Variants in DACT2 observed in about 807,000 individuals in gnomAD.
The protein encoded by DACT2 is dapper homolog 2.
DACT2 carries 20 observed loss-of-function variants against 22.2 expected under a neutral mutation model. That is an observed-to-expected ratio of 0.90 (90% CI 0.63 to 1.31). The LOEUF is 1.31. Ranked by LOEUF, DACT2 falls within the 50% of genes most tolerant of loss-of-function variation. The pLI is 0.00. For missense variants in DACT2, 1,048 were observed against 1,061.4 expected (o/e 0.99, Z 0.18); for synonymous variants, 463 against 479.8 (o/e 0.96, Z 0.46).
chr6:168,309,401 C>T (rs1024896968), intron 3 of DACT2, among the ~76,000 whole-genome samples: 1 of 57,250 alleles, frequency 1.7e-5, no homozygotes, highest in African/African-American at 7.0e-5. Context: ...CATCTAGACA[C>T]CGCACAGGGC....
intron 1 of DACT2, 74 bp from the exon 2 acceptor site, chr6:168,311,358 A>G (rs991617801): frequency 2.8e-6 from 4 of 1,433,456 alleles, no homozygotes; most frequent in Non-Finnish European, 3.7e-6. Flanking sequence ...AGGGGTGAAA[A>G]CATGCATTGT....
At chr6:168,306,641 G>A (rs1390853290), downstream of DACT2, among the ~76,000 whole-genome samples, 3 of 150,830 alleles carry the variant, frequency 2.0e-5, no homozygotes, top group East Asian at 2.0e-4. Context: ...TAGCAGAGAC[G>A]GGGTTTCACC....
intron 3 of DACT2, among the ~76,000 whole-genome samples, chr6:168,296,406 A>G (rs1265608678): frequency 6.6e-6 from 1 of 151,150 alleles, no homozygotes; most frequent in African/African-American, 2.4e-5. Flanking sequence ...ATGGTCATGG[A>G]GGACAGGCAC....
At chr6:168,293,671 C>A in exon 6 of DACT2, 1 of 568,252 alleles carries the variant, frequency 1.8e-6, no homozygotes, top group South Asian at 2.1e-5. Flanking sequence ...GTCCATTACT[C>A]CCTCACTTCA....
chr6:168,316,287 C>T (rs1303162183), intron 1 of DACT2, among the ~76,000 whole-genome samples: 1 of 151,520 alleles, frequency 6.6e-6, no homozygotes, highest in Non-Finnish European at 1.5e-5. Flanking sequence ...ACGTCTGTGG[C>T]TGTCGTGTGC....
chr6:168,307,619 C>G lies in DACT2; in HGVS notation c.2138G>C (p.Cys713Ser), dbSNP rs150741979. The G allele has an allele frequency of 3.2e-6, 5 of 1,548,194 alleles. No individual in the cohort carries two copies. Among genetic ancestry groups the G allele is most frequent in the Admixed American group, 2.0e-5 (1 of 50,790 alleles). Residue 713 changes from cysteine (C) to serine (S), a missense_variant, in exon 4 of 4, where the codon TGT (cysteine) becomes TCT (serine). Physicochemically the swap from Cys to Ser is moderately radical, Grantham distance 112. Transcript: ENST00000366795. This position sits in a 1 kb window ranked among gnomAD's most constrained non-coding sequence, Gnocchi z 5.3. The part of the protein sequence containing the change: ...DEEGGAQSRD[C>S]DLALGYVAAG... ...CGCCACATAGCCCAGTGCCAGGTCA[C>G]AGTCCCTGCTCTGGGCGCCGCCCTC... is the stretch of plus-strand genomic sequence containing the variant.
At chr6:168,316,265 C>T (rs906219364) in intron 1 of DACT2, among the ~76,000 whole-genome samples, 3 of 126,494 alleles carry the variant, frequency 2.4e-5, no homozygotes, top group African/African-American at 8.4e-5. Flanking sequence ...CCTCCCTTCC[C>T]ATGTGTGTAA....
At position 168,319,641 on chromosome 6, in the gene DACT2, G is replaced by A. The variant is rs1779599951; in HGVS notation, c.-8C>T. On this transcript the variant is annotated 5_prime_UTR_variant, in exon 1 of 4. Transcript: ENST00000366795. ...TCCGCCCGGCGTCCACATCTCCCGG[G>A]CAGGGTCCCGGCCTCCCGAACCCCA... The A allele has an allele frequency of 7.9e-7, 1 of 1,263,558 alleles. No individual in the cohort carries two copies. Among genetic ancestry groups the A allele is most frequent in the Non-Finnish European group, 1.0e-6 (1 of 1,002,836 alleles). The allele number at this position is 1,263,558 out of a possible 1,614,324, so 78.3% of individuals were successfully genotyped here.
Position 168,294,567 on chromosome 6 carries a change from GTGTGTGTGTGTATA to G in DACT2, c.730+52_730+65del, listed in dbSNP as rs1177345599. On this transcript the variant is annotated intron_variant, in intron 4 of 5. Coordinates refer to the DACT2 transcript ENST00000366796. The stretch of plus-strand genomic sequence containing the variant: ...AAAATATGTGTGTGTGTGTATGTGT[GTGTGTGTGTGTATA>G]TATATATATATATATATATATACAC... 107 of 480,822 alleles carry G rather than the reference GTGTGTGTGTGTATA, an allele frequency of 2.2e-4. No individual in the cohort carries two copies. The African/African-American group carries it at 4.6e-3, about 20-fold the overall frequency. The allele number at this position is 480,822 out of a possible 1,614,324, so 29.8% of individuals were successfully genotyped here.
At position 168,294,366 on chromosome 6, in the gene DACT2, G is replaced by A. The variant is rs534617182; in HGVS notation, c.731-169C>T. ...TCCTAGTCCTTCCCTACCTGTCAGC[G>A]AGCTGGAGGTGCAGCCCGTGGGCGG... On this transcript the variant is annotated intron_variant, in intron 4 of 5. Transcript: ENST00000366796. Among the ~76,000 whole-genome samples, 51 of 152,090 alleles carry A rather than the reference G, an allele frequency of 3.4e-4. No individual in the cohort carries two copies. The South Asian group carries it at 0.01, about 30-fold the overall frequency.
Position 168,308,340 on chromosome 6 carries a change from G to C in DACT2, c.1417C>G (p.Pro473Ala), listed in dbSNP as rs891314047. 15 of 1,551,924 alleles carry C rather than the reference G, an allele frequency of 9.7e-6. No homozygotes were observed. Among genetic ancestry groups the C allele is most frequent in the Non-Finnish European group, 1.3e-5 (15 of 1,147,076 alleles). Residue 473 changes from proline to alanine, a missense_variant, in exon 4 of 4, where the codon CCG becomes GCG. Coordinates refer to ENST00000366795, the MANE Select transcript of DACT2 (RefSeq NM_214462.5). Reference protein sequence around the residue: ...PSRMLDKSPSPASGHFAHPSF... With the variant: ...PSRMLDKSPSAASGHFAHPSF... ...GGGTGGGCAAAGTGCCCAGAGGCCG[G>C]TGAGGGGCTCTTGTCCAGCATCCTG...
Position 168,319,530 on chromosome 6 carries a change from A to T in DACT2, c.104T>A (p.Leu35Gln), listed in dbSNP as rs1779596438. Reference protein sequence around the residue: ...AFAGLQELQGLRATQQERVRG... With the variant: ...AFAGLQELQGQRATQQERVRG... ...TACCCGCTCCTGCTGCGTGGCTCGC[A>T]GCCCCTGCAGCTCCTGCAGCCCCGC... Residue 35 changes from leucine (L) to glutamine (Q), a missense_variant, in exon 1 of 4, where the codon CTG becomes CAG. By Grantham distance (113) the Leu-to-Gln change is moderately radical (BLOSUM62 -2). Coordinates refer to ENST00000366795, the MANE Select transcript of DACT2 (RefSeq NM_214462.5). 1 of 1,365,520 alleles carries T rather than the reference A, an allele frequency of 7.3e-7. No homozygotes were observed. The allele number at this position is 1,365,520 out of a possible 1,614,324, so 84.6% of individuals were successfully genotyped here. A position where few individuals can be genotyped will look rare whatever the true frequency, so the allele number is the denominator to read the frequency against.
chr6:168,311,646 TC>T (rs1779421589), intron 1 of DACT2, among the ~76,000 whole-genome samples: 1 of 110,254 alleles, frequency 9.1e-6, no homozygotes, highest in African/African-American at 3.4e-5. Context: ...ACACACACAC[TC>T]ACACACACAC....
At chr6:168,309,184 T>C (rs1223651387) in intron 3 of DACT2, 86 bp from the exon 4 acceptor site, 2 of 1,437,778 alleles carry the variant, frequency 1.4e-6, no homozygotes, top group South Asian at 1.5e-5. Flanking sequence ...GCAGCTGGGA[T>C]GGAAACGCTG....
chr6:168,294,569 GTGTGTGTGTATATA>G, intron 4 of DACT2: 1 of 507,122 alleles, frequency 2.0e-6, no homozygotes, highest in Non-Finnish European at 2.7e-6. Flanking sequence ...GTATGTGTGT[GTGTGTGTGTATATA>G]TATATATATA....
chr6:168,314,176 A>G (rs1476772745), intron 1 of DACT2, among the ~76,000 whole-genome samples: 2 of 152,230 alleles, frequency 1.3e-5, no homozygotes, highest in South Asian at 4.1e-4. Flanking sequence ...ATCTCCACGC[A>G]TGTCCATGAT....
chr6:168,305,272 G>C (rs1001961317), downstream of DACT2, among the ~76,000 whole-genome samples: 1 of 152,168 alleles, frequency 6.6e-6, no homozygotes, highest in Non-Finnish European at 1.5e-5. Flanking sequence ...GGAGCAGGAA[G>C]GAATTCGCTT....
At position 168,311,206 on chromosome 6, in the gene DACT2, C is replaced by T. The variant is rs994999986; in HGVS notation, c.325G>A (p.Asp109Asn). 4.5e-6 allele frequency: 7 copies of T among 1,550,096 alleles called. No homozygotes were observed. In the Middle Eastern group the frequency reaches 6.7e-4, roughly 148 times the overall value. Residue 109 changes from aspartate to asparagine, a missense_variant, in exon 2 of 4, where the codon GAT becomes AAT. Asp to Asn is a conservative substitution (Grantham distance 23). Coordinates refer to ENST00000366795, the MANE Select transcript of DACT2 (RefSeq NM_214462.5). ...GCCTCCCCTGAGGCTGTGCCCACAT[C>T]CAGCTGCAGCTTGCTAATCTGCAGG... ...LDLQISKLQL[D>N]VGTASGEALD... is the part of the protein sequence containing the mutation.
intron 3 of DACT2, among the ~76,000 whole-genome samples, chr6:168,295,103 A>G (rs1298260694): frequency 1.3e-5 from 2 of 151,924 alleles, no homozygotes; most frequent in African/African-American, 4.8e-5. Flanking sequence ...GTTTGGAGCC[A>G]CTCCAACTGT....
Sources: gnomAD v4.1 joint callset for allele counts (sites outside exome capture counted in the v4.1 genomes callset) on GRCh38, gnomAD v4.1.1 for gene constraint, Gnocchi (gnomAD v3.1) non-coding constraint, MANE v1.5 for transcripts, NCBI Gene and HGNC (gene_info 2026-07-23, HGNC 2026-07-21) for gene names.